The following CNIH3 variants were observed in gnomAD, a reference collection of about 807,000 sequenced individuals.
CNIH3 encodes the protein cornichon family AMPA receptor auxiliary protein 3, also known as protein cornichon homolog 3.
CNIH3 carries 14 observed loss-of-function variants against 24.1 expected under a neutral mutation model. The ratio of observed to expected loss-of-function variants is 0.58; its 90% CI spans 0.38 to 0.91. CNIH3 has a LOEUF of 0.91. Among genes scored for constraint, CNIH3 ranks in the 40% least tolerant of loss-of-function variants. CNIH3 has a pLI of 0.00. For missense variants in CNIH3, 178 were observed against 196.8 expected (o/e 0.90, Z 0.57); for synonymous variants, 68 against 73.8 (o/e 0.92, Z 0.40).
intron 1 of CNIH3, among the ~76,000 whole-genome samples, chr1:224,646,109 C>T (rs922250973): frequency 6.6e-6 from 1 of 150,402 alleles, no homozygotes; most frequent in Non-Finnish European, 1.5e-5. Context: ...CTCGATCTCA[C>T]GGTCTAAGAT....
Position 224,662,508 on chromosome 1 carries a change from T to G in CNIH3, c.82-18450T>G, listed in dbSNP as rs140560633. Among the ~76,000 whole-genome samples the G allele has an allele frequency of 5.3e-3, 803 of 152,354 alleles. 10 individuals are homozygous for G. The highest frequency in any genetic ancestry group is 0.018 in the African/African-American group (748 of 41,592). On this transcript the variant is annotated intron_variant, in intron 1 of 5. Coordinates refer to ENST00000272133, the MANE Select transcript of CNIH3 (RefSeq NM_152495.2). ...AGTTTTATAACCTTCTGTGCCAAACTCTGACACTTTAAAATATCTAACAGA... is the reference window on the plus strand; with the variant it reads ...AGTTTTATAACCTTCTGTGCCAAACGCTGACACTTTAAAATATCTAACAGA...
At chr1:224,585,180 G>A (rs1260295397) in intron 5 of CNIH3, among the ~76,000 whole-genome samples, 1 of 152,050 alleles carries the variant, frequency 6.6e-6, no homozygotes, top group Non-Finnish European at 1.5e-5. Flanking sequence ...CTTTGCACTT[G>A]CCCTTTGTTC....
At chr1:224,739,057 T>A (rs535551749) in intron 5 of CNIH3, among the ~76,000 whole-genome samples, 1 of 152,110 alleles carries the variant, frequency 6.6e-6, no homozygotes, top group Non-Finnish European at 1.5e-5. Flanking sequence ...ATCATCATCC[T>A]GATGAGAATG....
rs533542390 is a variant in CNIH3 at position 224,630,132 on chromosome 1, C to T, written c.81+12877C>T. On this transcript the variant is annotated intron_variant, in intron 1 of 5. Coordinates refer to ENST00000272133, the MANE Select transcript of CNIH3 (RefSeq NM_152495.2). ...AAGGCTGTGAATGTTTTTGGCTTTG[C>T]GAGAACTGAGGAATGCACCTGCCAT... is the stretch of plus-strand genomic sequence containing the variant. Among the ~76,000 whole-genome samples the T allele has an allele frequency of 3.3e-5, 5 of 152,180 alleles. No individual in the cohort carries two copies. In the South Asian group the frequency reaches 6.2e-4, roughly 19 times the overall value.
chr1:224,635,245 G>A (rs1684031535), intron 1 of CNIH3, among the ~76,000 whole-genome samples: 1 of 152,076 alleles, frequency 6.6e-6, no homozygotes, highest in Non-Finnish European at 1.5e-5. Context: ...AGAACAGCAT[G>A]GGGGAATCTG....
intron 1 of CNIH3, among the ~76,000 whole-genome samples, chr1:224,639,276 G>A (rs138519432): frequency 3.9e-5 from 6 of 152,358 alleles, no homozygotes; most frequent in African/African-American, 9.6e-5. Context: ...TGATGATGAT[G>A]TGATTCAGAC....
intron 5 of CNIH3, among the ~76,000 whole-genome samples, chr1:224,584,984 A>G (rs1354021974): frequency 3.3e-5 from 5 of 152,210 alleles, no homozygotes; most frequent in Non-Finnish European, 2.9e-5. Flanking sequence ...GTTAGAGACC[A>G]ATAAAGCATG....
chr1:224,479,919 G>A (rs1676738098), intron 1 of CNIH3, among the ~76,000 whole-genome samples: 1 of 152,192 alleles, frequency 6.6e-6, no homozygotes, highest in African/African-American at 2.4e-5. Context: ...GAGGACAGCG[G>A]CCCTATTTTC....
chr1:224,660,430 C>T (rs568060876), intron 1 of CNIH3, among the ~76,000 whole-genome samples: 8 of 152,186 alleles, frequency 5.3e-5, no homozygotes, highest in South Asian at 2.1e-4. Flanking sequence ...ACAGCCAAAC[C>T]GTGTCAGATA....
Position 224,714,535 on chromosome 1 carries a change from G to A in CNIH3, c.199-15927G>A, listed in dbSNP as rs1688324033. ...GGAGCAGCTTCCTTTACACTTCCCA[G>A]TGTGTACAGAGGACATGTCCCATTG... On this transcript the variant is annotated intron_variant, in intron 3 of 5. Coordinates refer to ENST00000272133, the MANE Select transcript of CNIH3 (RefSeq NM_152495.2). Among the ~76,000 whole-genome samples the A allele has an allele frequency of 2.6e-5, 4 of 152,332 alleles. No homozygotes were observed. In the South Asian group the frequency reaches 8.3e-4, roughly 32 times the overall value.
At chr1:224,632,597 A>C (rs187216490) in intron 1 of CNIH3, among the ~76,000 whole-genome samples, 1 of 152,062 alleles carries the variant, frequency 6.6e-6, no homozygotes, top group Non-Finnish European at 1.5e-5. Flanking sequence ...ACTGGGACGC[A>C]ATATGTGAGA....
At chr1:224,648,530 G>A (rs929015427) in intron 1 of CNIH3, among the ~76,000 whole-genome samples, 1 of 152,114 alleles carries the variant, frequency 6.6e-6, no homozygotes, top group African/African-American at 2.4e-5. Context: ...TACATTAAAT[G>A]TCTGTTTCGT....
At chr1:224,605,890 T>C (rs937440278) in intron 3 of CNIH3, among the ~76,000 whole-genome samples, 1 of 152,230 alleles carries the variant, frequency 6.6e-6, no homozygotes, top group Non-Finnish European at 1.5e-5. Context: ...CTGTCTCCTC[T>C]GTGGCTGGCC....
At chr1:224,459,187 T>C (rs1336281964) in intron 1 of CNIH3, 4 of 890,834 alleles carry the variant, frequency 4.5e-6, no homozygotes, top group Non-Finnish European at 5.2e-6. Context: ...TTCTTCCTTC[T>C]ACTGCTTAGA....
intron 3 of CNIH3, among the ~76,000 whole-genome samples, chr1:224,600,998 AGAGATAATTTGACT>A (rs1682184740): frequency 6.6e-6 from 1 of 152,222 alleles, no homozygotes; most frequent in Non-Finnish European, 1.5e-5. Flanking sequence ...CCTCCTCAGA[AGAGATAATTTGACT>A]GAGAGGCATA....
rs532794412 is a variant in CNIH3, at chr1:224,509,984, G to A, written n.204-5757G>A. On this transcript the variant is annotated intron_variant and non_coding_transcript_variant, in intron 1 of 5. Transcript: ENST00000471578. ...CCTCGATGCACGAACCATAGAGGAAGCTCCTTTGGCTGCTGGTTTCTGGGC... is the reference window on the plus strand; with the variant it reads ...CCTCGATGCACGAACCATAGAGGAAACTCCTTTGGCTGCTGGTTTCTGGGC... Among the ~76,000 whole-genome samples the A allele has an allele frequency of 3.3e-5, 5 of 152,342 alleles. No individual in the cohort carries two copies. In the East Asian group the frequency reaches 9.6e-4, roughly 29 times the overall value.
chr1:224,733,894 C>A (rs1432794117), intron 4 of CNIH3, among the ~76,000 whole-genome samples: 5 of 152,214 alleles, frequency 3.3e-5, no homozygotes, highest in Non-Finnish European at 5.9e-5. Flanking sequence ...CCAAGCCTGA[C>A]GGCTCCCCTC....
At chr1:224,627,982 G>A (rs774073096) in intron 1 of CNIH3, among the ~76,000 whole-genome samples, 1 of 152,150 alleles carries the variant, frequency 6.6e-6, no homozygotes, top group Non-Finnish European at 1.5e-5. Flanking sequence ...GTCAGCAAAT[G>A]GAGGGCAGGG....
rs1465768 is a variant in CNIH3, at chr1:224,704,355, A to G, written c.198+19512A>G. 0.44 allele frequency among the ~76,000 whole-genome samples: 66,618 copies of G among 152,090 alleles called. 16,081 individuals are homozygous for G. The highest frequency in any genetic ancestry group is 0.57 in the Middle Eastern group (169 of 294). Reference sequence around the variant, plus strand: ...GGGGCTCTCTGCAAAAGCTAAAGTCAGCAGCAGATGATATGATGCAGGATT... The same window carrying G: ...GGGGCTCTCTGCAAAAGCTAAAGTCGGCAGCAGATGATATGATGCAGGATT... On this transcript the variant is annotated intron_variant, in intron 3 of 5. Coordinates refer to ENST00000272133, the MANE Select transcript of CNIH3 (RefSeq NM_152495.2). This position sits in a 1 kb window ranked among gnomAD's most constrained non-coding sequence, Gnocchi z 4.2.
Sources: allele counts gnomAD v4.1 joint callset (sites outside exome capture counted in the v4.1 genomes callset), GRCh38; gene constraint gnomAD v4.1.1; non-coding constraint Gnocchi (gnomAD v3.1); transcripts MANE v1.5; gene names NCBI Gene and HGNC (gene_info 2026-07-23, HGNC 2026-07-21).